DHX38: variants seen among roughly 807,000 people sequenced by gnomAD.
DHX38 encodes pre-mRNA-splicing factor ATP-dependent RNA helicase PRP16.
In DHX38, 100 loss-of-function variants were observed where a neutral mutation model predicts 153.1. The observed-to-expected ratio is 0.65, with a 90% CI of 0.56 to 0.77. The LOEUF is 0.77. Among genes scored for constraint, DHX38 ranks in the 30% least tolerant of loss-of-function variants. DHX38 has a pLI of 0.00. For missense variants in DHX38, 1,440 were observed against 1,654.0 expected (o/e 0.87, Z 2.24); for synonymous variants, 650 against 631.7 (o/e 1.03, Z -0.43).
In DHX38 at chr16:72,112,821, C is replaced by T. The variant is rs2042276101; in HGVS notation, c.*324C>T. The T allele has an allele frequency of 1.4e-6, 1 of 702,614 alleles. No individual in the cohort carries two copies. Among genetic ancestry groups the T allele is most frequent in the Non-Finnish European group, 2.6e-6 (1 of 384,836 alleles). 43.5% of individuals were successfully genotyped at this position (702,614 alleles called of 1,614,324 possible). A position where few individuals can be genotyped will look rare whatever the true frequency, so the allele number is the denominator to read the frequency against. ...CTTGGCTGTGGCTGTCTTTTTTAATCCTTGTGTAAAGCAGCAAAAAAGACC... is the reference window on the plus strand; with the variant it reads ...CTTGGCTGTGGCTGTCTTTTTTAATTCTTGTGTAAAGCAGCAAAAAAGACC... On this transcript the variant is annotated 3_prime_UTR_variant, in exon 27 of 27. Coordinates refer to ENST00000268482, the MANE Select transcript of DHX38 (RefSeq NM_014003.4).
chr16:72,112,756 C>G lies in DHX38; in HGVS notation c.*259C>G, dbSNP rs755793877. On this transcript the variant is annotated 3_prime_UTR_variant, in exon 27 of 27. Coordinates refer to ENST00000268482, the MANE Select transcript of DHX38 (RefSeq NM_014003.4). ...GGCAGCGGGAGGTGGCTGGACCCAT[C>G]GCATCTAAAACTGGCCCAGGACACT... 7.1e-6 allele frequency: 5 copies of G among 702,934 alleles called. No individual in the cohort carries two copies. The highest frequency in any genetic ancestry group is 7.8e-6 in the Non-Finnish European group (3 of 385,252). 43.5% of individuals were successfully genotyped at this position (702,934 alleles called of 1,614,324 possible). A position where few individuals can be genotyped will look rare whatever the true frequency, so the allele number is the denominator to read the frequency against.
Position 72,097,729 on chromosome 16 carries a change from A to G in DHX38, c.564A>G (p.Ser188=), listed in dbSNP as rs1300938803. ...GCAGATCAGAGCGAGATGGAGGGTC[A>G]GAGCGTAGCAGCAGAAGAAATGAAC... ...HSSRSERDGG[S]ERSSRRNEPE... is the part of the protein sequence containing the mutation. The change falls in exon 4 of 27, where the codon TCA becomes TCG. Residue 188 remains serine, a synonymous_variant. Transcript: ENST00000268482. 1.2e-6 allele frequency: 2 copies of G among 1,614,196 alleles called. No individual in the cohort carries two copies. Among genetic ancestry groups the G allele is most frequent in the East Asian group, 4.5e-5 (2 of 44,886 alleles).
chr16:72,096,485 A>G lies in DHX38; in HGVS notation c.323+5A>G. On this transcript the variant is annotated splice_donor_5th_base_variant and intron_variant, in intron 2 of 26. Coordinates refer to ENST00000268482, the MANE Select transcript of DHX38 (RefSeq NM_014003.4). ...CCAAAATATCCGGAAAGACAGGTAA[A>G]GGCCTTAGTATGGGTTAGCCCAGAG... is the stretch of plus-strand genomic sequence containing the variant. The G allele has an allele frequency of 6.2e-7, 1 of 1,609,644 alleles. No homozygotes were observed. The highest frequency in any genetic ancestry group is 2.2e-5 in the East Asian group (1 of 44,852).
Position 72,098,654 on chromosome 16 carries a change from C to G in DHX38, c.626C>G (p.Thr209Ser), listed in dbSNP as rs1177694533. Reference protein sequence around the residue: ...SPRHRPKDAATPSRSTWEEED... With the variant: ...SPRHRPKDAASPSRSTWEEED... ...GTCTTTTGTGGCCCAGATGCAGCCACCCCTTCAAGGTCTACCTGGGAGGAA... is the reference window on the plus strand; with the variant it reads ...GTCTTTTGTGGCCCAGATGCAGCCAGCCCTTCAAGGTCTACCTGGGAGGAA... Residue 209 changes from threonine (T) to serine (S), a missense_variant, in exon 5 of 27, where the codon ACC (threonine) becomes AGC (serine). By Grantham distance (58) the Thr-to-Ser change is moderately conservative (BLOSUM62 1). Coordinates refer to ENST00000268482, the MANE Select transcript of DHX38 (RefSeq NM_014003.4). 2 of 1,613,978 alleles carry G rather than the reference C, an allele frequency of 1.2e-6. No homozygotes were observed. The highest frequency in any genetic ancestry group is 3.3e-5 in the Admixed American group (2 of 60,026).
In DHX38 at chr16:72,103,194, G is replaced by A. The variant is rs1414635048; in HGVS notation, c.1620G>A (p.Glu540=). The change falls in exon 12 of 27, where the codon GAG becomes GAA. Residue 540 remains glutamate, a synonymous_variant. Coordinates refer to ENST00000268482, the MANE Select transcript of DHX38 (RefSeq NM_014003.4). The stretch of plus-strand genomic sequence containing the variant: ...TGCCCATCTTTGCAGTGCAGCAGGA[G>A]CTGCTCACTATTATCAGGTAACTTC... ...QYLPIFAVQQ[E]LLTIIRDNSI... The A allele has an allele frequency of 6.2e-7, 1 of 1,614,168 alleles. No homozygotes were observed. Among genetic ancestry groups the A allele is most frequent in the Non-Finnish European group, 8.5e-7 (1 of 1,180,018 alleles).
In DHX38 at chr16:72,108,322, CAAT is replaced by C; in HGVS notation, c.3064_3066del (p.Asn1022del). 6.2e-7 allele frequency: 1 copy of C among 1,614,132 alleles called. No homozygotes were observed. Among genetic ancestry groups the C allele is most frequent in the South Asian group, 1.1e-5 (1 of 91,070 alleles). ...TGAATGTTTACCTGCAGTGGAAGAA[CAAT>C]AATTACTCCACCATCTGGTGTAACG... On this transcript the variant is annotated inframe_deletion, in exon 22 of 27. Transcript: ENST00000268482.
chr16:72,106,218 C>T, intron 19 of DHX38, 101 bp downstream of exon 19: 1 of 1,112,230 alleles, frequency 9.0e-7, no homozygotes, highest in Non-Finnish European at 1.3e-6. Context: ...GAGCTGGTCC[C>T]CAAGGCTGGA....
intron 22 of DHX38, 33 bp from the exon 23 acceptor site, chr16:72,108,440 G>T (rs1429800720): frequency 6.2e-7 from 1 of 1,613,518 alleles, no homozygotes; most frequent in Non-Finnish European, 8.5e-7. Context: ...GGAAAGGAGG[G>T]CTCCCTCCTG....
At chr16:72,098,203 CA>C (rs1036145493) in intron 4 of DHX38, among the ~76,000 whole-genome samples, 1 of 152,130 alleles carries the variant, frequency 6.6e-6, no homozygotes, top group African/African-American at 2.4e-5. Context: ...GAGGCTGAGG[CA>C]GGCAGATTAC....
intron 3 of DHX38, chr16:72,097,444 T>C (rs1201251243): frequency 7.8e-6 from 4 of 512,012 alleles, no homozygotes; most frequent in Non-Finnish European, 1.4e-5. Flanking sequence ...CTAGTATTTT[T>C]TGAATTCTTG....
In DHX38 at chr16:72,104,192, GC is replaced by G. The variant is rs1432658707; in HGVS notation, c.2010+62del. ...GGTGTTGACCAGTGCACCACCAGTA[GC>G]TAGTGGGTTGCTCCAGGTGGGCTGA... On this transcript the variant is annotated intron_variant, in intron 14 of 26. Coordinates refer to ENST00000268482, the MANE Select transcript of DHX38 (RefSeq NM_014003.4). This position sits in a 1 kb window ranked among gnomAD's most constrained non-coding sequence, Gnocchi z 4.5. The G allele has an allele frequency of 1.3e-6, 2 of 1,576,794 alleles. No individual in the cohort carries two copies. Among genetic ancestry groups the G allele is most frequent in the African/African-American group, 2.7e-5 (2 of 74,280 alleles).
intron 23 of DHX38, 93 bp downstream of exon 23, chr16:72,108,700 G>A (rs770455758): frequency 6.3e-6 from 10 of 1,586,482 alleles, no homozygotes; most frequent in African/African-American, 1.3e-5. Context: ...GCAGATCTGG[G>A]CTTCCGCCAA....
chr16:72,094,806 A>T (rs1262131056), intron 1 of DHX38, among the ~76,000 whole-genome samples: 3 of 152,224 alleles, frequency 2.0e-5, no homozygotes, highest in Non-Finnish European at 4.4e-5. Context: ...CTAGACATTG[A>T]GCTACAGCAG....
At chr16:72,097,815 C>A in intron 4 of DHX38, 34 bp downstream of exon 4, 1 of 1,580,174 alleles carries the variant, frequency 6.3e-7, no homozygotes, top group South Asian at 1.1e-5. Flanking sequence ...TGTGAGGATT[C>A]AAGTGTATAA....
intron 3 of DHX38, chr16:72,097,451 C>A: frequency 2.0e-6 from 1 of 510,794 alleles, no homozygotes; most frequent in Non-Finnish European, 3.5e-6. Flanking sequence ...TTTTTGAATT[C>A]TTGCTGGAAA....
rs201174947 is a variant in DHX38 at position 72,107,632 on chromosome 16, T to G, written c.2810-13T>G. On this transcript the variant is annotated splice_polypyrimidine_tract_variant and intron_variant, in intron 20 of 26. Coordinates refer to ENST00000268482, the MANE Select transcript of DHX38 (RefSeq NM_014003.4). The surrounding 1 kb of genome is among the most constrained non-coding windows in gnomAD (Gnocchi z 5.3). The stretch of plus-strand genomic sequence containing the variant: ...TGTCCCGTCAAATATCCGGGTTTGC[T>G]CATCTCTCCTAGGTGGTCTGACCTC... 22 of 1,612,364 alleles carry G rather than the reference T, an allele frequency of 1.4e-5. No individual in the cohort carries two copies. The African/African-American group carries it at 2.4e-4, about 18-fold the overall frequency.
At chr16:72,102,727 G>A (rs751200613) in intron 11 of DHX38, among the ~76,000 whole-genome samples, 34 of 152,186 alleles carry the variant, frequency 2.2e-4, no homozygotes, top group South Asian at 4.1e-4. Flanking sequence ...AATTGCCCGA[G>A]GGTATTTTCT....
chr16:72,095,111 C>T (rs948310519), intron 1 of DHX38, among the ~76,000 whole-genome samples: 1 of 152,256 alleles, frequency 6.6e-6, no homozygotes, highest in African/African-American at 2.4e-5. Context: ...ATTCTGGTGG[C>T]ATCTCCTTTG....
rs1193238838 is a variant in DHX38, at chr16:72,101,571, G to A, written c.1458G>A (p.Glu486=). 1 of 1,552,078 alleles carries A rather than the reference G, an allele frequency of 6.4e-7. No individual in the cohort carries two copies. Among genetic ancestry groups the A allele is most frequent in the South Asian group, 1.2e-5 (1 of 84,072 alleles). The change falls in exon 11 of 27, where the codon GAG becomes GAA. Residue 486 remains glutamate, a synonymous_variant. Coordinates refer to ENST00000268482, the MANE Select transcript of DHX38 (RefSeq NM_014003.4). ...GDIMGVKKEE[E]PDKAVTEDGK... is the part of the protein sequence containing the mutation. ...TAATGGGCGTCAAGAAGGAGGAAGA[G>A]CCAGATAAAGCTGTGACGGAGGATG... is the stretch of plus-strand genomic sequence containing the variant.
Sources: allele counts gnomAD v4.1 joint callset (sites outside exome capture counted in the v4.1 genomes callset), GRCh38; gene constraint gnomAD v4.1.1; non-coding constraint Gnocchi (gnomAD v3.1); transcripts MANE v1.5; gene names NCBI Gene and HGNC (gene_info 2026-07-23, HGNC 2026-07-21).